MAP3K9: variants seen among roughly 807,000 people sequenced by gnomAD.
The protein encoded by MAP3K9 is mixed lineage kinase 1 (tyr and ser/thr specificity).
A neutral mutation model predicts 95.8 loss-of-function variants in MAP3K9; 46 were observed. The ratio of observed to expected loss-of-function variants is 0.48; its 90% CI spans 0.38 to 0.61. The LOEUF is 0.61. Among genes scored for constraint, MAP3K9 ranks in the 20% least tolerant of loss-of-function variants. The pLI is 0.00. For missense variants in MAP3K9, 1,296 were observed against 1,474.3 expected (o/e 0.88, Z 1.98); for synonymous variants, 533 against 593.8 (o/e 0.90, Z 1.49).
chr14:70,800,570 G>A, intron 2 of MAP3K9, 97 bp downstream of exon 2: 1 of 1,243,596 alleles, frequency 8.0e-7, no homozygotes, highest in Non-Finnish European at 1.1e-6. Flanking sequence ...GAGTTTCACT[G>A]CCCTCTAAGG....
At chr14:70,802,377 T>G (rs892242855) in intron 1 of MAP3K9, among the ~76,000 whole-genome samples, 4 of 152,182 alleles carry the variant, frequency 2.6e-5, no homozygotes, top group Non-Finnish European at 1.5e-5. Context: ...CCAATCATTC[T>G]CCTTCCCAAA....
intron 2 of MAP3K9, among the ~76,000 whole-genome samples, chr14:70,765,974 G>A (rs981539638): frequency 6.6e-6 from 1 of 151,888 alleles, no homozygotes; most frequent in Non-Finnish European, 1.5e-5. Context: ...AGTCAATGGG[G>A]GCCTGGCCAG....
intron 2 of MAP3K9, among the ~76,000 whole-genome samples, chr14:70,797,802 G>A (rs532591164): frequency 6.6e-6 from 1 of 152,246 alleles, no homozygotes; most frequent in South Asian, 2.1e-4. Context: ...AAGAATGGTG[G>A]TATCATCGAG....
chr14:70,768,084 T>C (rs146764076), intron 2 of MAP3K9, among the ~76,000 whole-genome samples: 2,545 of 152,246 alleles, frequency 0.017, 79 homozygotes, highest in African/African-American at 0.058. Context: ...GACCTAGTAT[T>C]TGATAGCACA....
chr14:70,772,153 C>G (rs915533580), intron 2 of MAP3K9, among the ~76,000 whole-genome samples: 1 of 152,212 alleles, frequency 6.6e-6, no homozygotes, highest in Middle Eastern at 3.2e-3. Flanking sequence ...CCAGCAGCAA[C>G]GGTGGCCCCA....
At position 70,801,088 on chromosome 14, in the gene MAP3K9, A is replaced by G. The variant is rs764893867; in HGVS notation, c.407-8T>C. 2 of 1,591,508 alleles carry G rather than the reference A, an allele frequency of 1.3e-6. No individual in the cohort carries two copies. The highest frequency in any genetic ancestry group is 3.5e-5 in the Admixed American group (2 of 56,780). ...CAAAATCAATTTCTAACACTGAGAA[A>G]GGGAAGAAAAAAAGAAGCAAGTCAA... On this transcript the variant is annotated splice_region_variant and splice_polypyrimidine_tract_variant and intron_variant, in intron 1 of 11. Coordinates refer to ENST00000554752, the MANE Select transcript of MAP3K9 (RefSeq NM_001284230.2).
At position 70,808,857 on chromosome 14, in the gene MAP3K9, G is replaced by A. The variant is rs1285313277; in HGVS notation, c.315C>T (p.Ile105=). The change falls in exon 1 of 12, where the codon ATC becomes ATT. Residue 105 remains isoleucine, a synonymous_variant. Transcript: ENST00000554752. The part of the protein sequence containing the change: ...WTGQLNQRVG[I]FPSNYVTPRS... Reference sequence around the variant, plus strand: ...GCGGGGTCACGTAGTTGCTGGGGAAGATGCCCACCCGCTGGTTCAGCTGCC... The same window carrying A: ...GCGGGGTCACGTAGTTGCTGGGGAAAATGCCCACCCGCTGGTTCAGCTGCC... 16 of 1,600,772 alleles carry A rather than the reference G, an allele frequency of 1.0e-5. No individual in the cohort carries two copies. Among genetic ancestry groups the A allele is most frequent in the Admixed American group, 6.8e-5 (4 of 58,582 alleles).
chr14:70,769,161 A>G (rs2139800908), intron 2 of MAP3K9, among the ~76,000 whole-genome samples: 1 of 152,206 alleles, frequency 6.6e-6, no homozygotes, highest in Non-Finnish European at 1.5e-5. Flanking sequence ...TAGCACCACC[A>G]TGTTTGTGCC....
At chr14:70,774,309 A>C (rs1229727252) in intron 2 of MAP3K9, among the ~76,000 whole-genome samples, 1 of 152,236 alleles carries the variant, frequency 6.6e-6, no homozygotes, top group East Asian at 1.9e-4. Context: ...TTTGTTATTT[A>C]TTACAAGGCT....
At position 70,778,036 on chromosome 14, in the gene MAP3K9, A is replaced by G. The variant is rs10148950; in HGVS notation, c.821-16854T>C. Among the ~76,000 whole-genome samples the G allele has an allele frequency of 3.2e-3, 480 of 152,332 alleles. 1 individual carries two copies. The highest frequency in any genetic ancestry group is 0.011 in the African/African-American group (453 of 41,586). ...AAGAGAGGGATAAATAGATGATCCT[A>G]TAAAGGAAACTAGGACGGAACCTCT... is the stretch of plus-strand genomic sequence containing the variant. On this transcript the variant is annotated intron_variant, in intron 2 of 11. Coordinates refer to ENST00000554752, the MANE Select transcript of MAP3K9 (RefSeq NM_001284230.2).
chr14:70,783,375 C>A, intron 2 of MAP3K9: 1 of 985,384 alleles, frequency 1.0e-6, no homozygotes, highest in Non-Finnish European at 1.2e-6. Context: ...TCAAATACCC[C>A]TTTTTAATTC....
intron 2 of MAP3K9, among the ~76,000 whole-genome samples, chr14:70,797,471 C>T (rs2054877237): frequency 6.6e-6 from 1 of 152,032 alleles, no homozygotes. Flanking sequence ...GGTGCACTGG[C>T]TCACGCCTGT....
rs765960508 is a variant in MAP3K9 at position 70,761,070 on chromosome 14, C to T, written c.933G>A (p.Gly311=). The T allele has an allele frequency of 1.1e-5, 18 of 1,614,000 alleles. No homozygotes were observed. Among genetic ancestry groups the T allele is most frequent in the African/African-American group, 2.7e-5 (2 of 74,896 alleles). ...CTTCGGGTGCCATCCAAGCATACGT[C>T]CCTGCCGCACTCATCTTGGTGGTTC... ...WHRTTKMSAA[G]TYAWMAPEVI... is the part of the protein sequence containing the mutation. The change falls in exon 3 of 12, where the codon GGG becomes GGA. Residue 311 remains glycine, a synonymous_variant. Coordinates refer to ENST00000554752, the MANE Select transcript of MAP3K9 (RefSeq NM_001284230.2).
intron 2 of MAP3K9, among the ~76,000 whole-genome samples, chr14:70,794,989 C>CTTTTTTTTTT (rs1566766253): frequency 2.7e-5 from 2 of 73,352 alleles, no homozygotes; most frequent in African/African-American, 4.9e-5. Flanking sequence ...TTTTTCTTTT[C>CTTTTTTTTTT]CTTTTTTTTT....
At chr14:70,805,411 TGA>T (rs771841242) in intron 1 of MAP3K9, among the ~76,000 whole-genome samples, 60 of 152,206 alleles carry the variant, frequency 3.9e-4, no homozygotes, top group Non-Finnish European at 8.2e-4. Flanking sequence ...CCCAAGATAA[TGA>T]GTTTGGAACT....
At chr14:70,739,794 A>C (rs2054042046) in intron 7 of MAP3K9, 2 of 1,239,060 alleles carry the variant, frequency 1.6e-6, no homozygotes, top group East Asian at 5.1e-5. Flanking sequence ...TAAAGATCCC[A>C]TTAGTACCCA....
At chr14:70,768,936 C>T (rs12433469) in intron 2 of MAP3K9, among the ~76,000 whole-genome samples, 81,034 of 152,108 alleles carry the variant, frequency 0.53, 21,700 homozygotes, top group South Asian at 0.63. Context: ...TCCTACATTA[C>T]GTAACTCAGC....
chr14:70,795,929 T>G (rs1011734393), intron 2 of MAP3K9, among the ~76,000 whole-genome samples: 1 of 151,728 alleles, frequency 6.6e-6, no homozygotes, highest in Non-Finnish European at 1.5e-5. Context: ...CTAATTTTTG[T>G]ATTTTAGTAG....
chr14:70,770,931 T>G (rs570327017), intron 2 of MAP3K9, among the ~76,000 whole-genome samples: 3 of 152,296 alleles, frequency 2.0e-5, no homozygotes, highest in African/African-American at 7.2e-5. Context: ...TTTGTTTTAT[T>G]TATTTTTTTC....
Sources: allele counts gnomAD v4.1 joint callset (sites outside exome capture counted in the v4.1 genomes callset), GRCh38; gene constraint gnomAD v4.1.1; transcripts MANE v1.5; gene names NCBI Gene and HGNC (gene_info 2026-07-23, HGNC 2026-07-21).